LRRC4C: variants seen among roughly 807,000 people sequenced by gnomAD.
LRRC4C encodes leucine-rich repeat-containing protein 4C.
Under a neutral mutation model 33.6 loss-of-function variants are expected in LRRC4C, and 5 were observed. That is an observed-to-expected ratio of 0.15 (90% CI 0.08 to 0.31). The LOEUF is 0.31. Among genes scored for constraint, LRRC4C ranks in the 10% least tolerant of loss-of-function variants. LRRC4C has a pLI of 1.00. For missense variants in LRRC4C, 560 were observed against 796.7 expected (o/e 0.70, Z 3.58); for synonymous variants, 329 against 302.0 (o/e 1.09, Z -0.93).
At chr11:41,433,975 C>G (rs994090618) in intron 1 of LRRC4C, among the ~76,000 whole-genome samples, 1 of 151,948 alleles carries the variant, frequency 6.6e-6, no homozygotes, top group Non-Finnish European at 1.5e-5. Context: ...AAGGCAAACC[C>G]GATTCAAGCA....
chr11:40,485,488 A>G (rs1392220781), intron 3 of LRRC4C, among the ~76,000 whole-genome samples: 2 of 151,964 alleles, frequency 1.3e-5, no homozygotes, highest in Non-Finnish European at 2.9e-5. Flanking sequence ...TAGTAGAGAA[A>G]TGCCATTTCA....
intron 4 of LRRC4C, among the ~76,000 whole-genome samples, chr11:40,308,493 A>T (rs1945147674): frequency 1.3e-5 from 2 of 152,198 alleles, no homozygotes; most frequent in Admixed American, 1.3e-4. Flanking sequence ...GGTATGATTA[A>T]GTCACAAATT....
chr11:40,230,187 T>C (rs750820464), intron 5 of LRRC4C, among the ~76,000 whole-genome samples: 6 of 152,214 alleles, frequency 3.9e-5, no homozygotes, highest in Non-Finnish European at 8.8e-5. Context: ...AGGTTGTTTT[T>C]GAAGTTCACA....
chr11:40,815,980 G>A (rs963017298), intron 2 of LRRC4C, among the ~76,000 whole-genome samples: 4 of 152,074 alleles, frequency 2.6e-5, no homozygotes, highest in Non-Finnish European at 4.4e-5. Context: ...GCGATTTCAC[G>A]AAGTGAGTAA....
chr11:41,185,017 T>C (rs1945628186), intron 1 of LRRC4C, among the ~76,000 whole-genome samples: 1 of 152,012 alleles, frequency 6.6e-6, no homozygotes. Flanking sequence ...TTCACTATCA[T>C]GCGAACAGCA....
chr11:40,584,016 CAA>C (rs1308398745), intron 3 of LRRC4C, among the ~76,000 whole-genome samples: 2 of 151,186 alleles, frequency 1.3e-5, no homozygotes, highest in African/African-American at 4.9e-5. Context: ...CCTAAGGTTG[CAA>C]AGAGATCAGG....
At chr11:40,614,242 T>G (rs1051763496) in intron 3 of LRRC4C, among the ~76,000 whole-genome samples, 5 of 151,884 alleles carry the variant, frequency 3.3e-5, no homozygotes, top group Non-Finnish European at 5.9e-5. Context: ...TGTAGCCACT[T>G]TCATCAGTTG....
At chr11:40,178,255 C>G (rs1440288414) in intron 5 of LRRC4C, among the ~76,000 whole-genome samples, 1 of 152,230 alleles carries the variant, frequency 6.6e-6, no homozygotes, top group Middle Eastern at 3.4e-3. Context: ...CATATTTGAG[C>G]AAATAGATAG....
rs957589946 is a variant in LRRC4C, at chr11:40,634,184, A to C, written c.-270+13958T>G. ...CTAATAAAGGATGGAAAACTGTTGG[A>C]AAACAGTATAAACTAAGTGGTTCTT... On this transcript the variant is annotated intron_variant, in intron 3 of 6. Transcript: ENST00000528697. 3.3e-5 allele frequency among the ~76,000 whole-genome samples: 5 copies of C among 152,244 alleles called. No homozygotes were observed. In the South Asian group the frequency reaches 8.3e-4, roughly 25 times the overall value.
intron 2 of LRRC4C, among the ~76,000 whole-genome samples, chr11:40,713,105 A>G (rs1946547274): frequency 6.7e-6 from 1 of 148,392 alleles, no homozygotes; most frequent in Non-Finnish European, 1.5e-5. Context: ...TGTTGGCTTG[A>G]CTGCTCTTGA....
At chr11:40,936,423 C>G (rs557378641) in intron 1 of LRRC4C, among the ~76,000 whole-genome samples, 2 of 149,654 alleles carry the variant, frequency 1.3e-5, no homozygotes, top group East Asian at 4.0e-4. Flanking sequence ...CTGCAAGCTC[C>G]GCCTCCCAGG....
chr11:40,499,302 GTAAACAAAAATA>G (rs1405376633), intron 3 of LRRC4C, among the ~76,000 whole-genome samples: 2 of 152,206 alleles, frequency 1.3e-5, no homozygotes, highest in East Asian at 3.9e-4. Flanking sequence ...TGGCCACCAG[GTAAACAAAAATA>G]TCACCATACT....
At chr11:41,039,468 T>C (rs916418488) in intron 1 of LRRC4C, among the ~76,000 whole-genome samples, 1 of 152,178 alleles carries the variant, frequency 6.6e-6, no homozygotes, top group East Asian at 1.9e-4. Context: ...ATATTTGTTA[T>C]GTGAATGACA....
chr11:40,999,604 G>C (rs1417401968), intron 1 of LRRC4C, among the ~76,000 whole-genome samples: 1 of 152,056 alleles, frequency 6.6e-6, no homozygotes, highest in Non-Finnish European at 1.5e-5. Context: ...TAATAATTTA[G>C]TTAAGAATAA....
intron 2 of LRRC4C, among the ~76,000 whole-genome samples, chr11:40,819,213 A>C (rs188848777): frequency 2.2e-4 from 34 of 152,288 alleles, no homozygotes; most frequent in African/African-American, 8.2e-4. Flanking sequence ...TGGGCAATTA[A>C]GAAGATAGGC....
At chr11:41,031,403 AT>A (rs1856720807) in intron 1 of LRRC4C, among the ~76,000 whole-genome samples, 1 of 151,932 alleles carries the variant, frequency 6.6e-6, no homozygotes, top group Non-Finnish European at 1.5e-5. Flanking sequence ...AAAATATCTA[AT>A]GATTATACAG....
chr11:40,304,836 A>C lies in LRRC4C; in HGVS notation c.-176+14792T>G, dbSNP rs1944950908. Reference sequence around the variant, plus strand: ...AACCTCTGCCTCTTGGGTTCAAGCAATTCTCCTGCTTTCACTCCAGTTCAG... The same window carrying C: ...AACCTCTGCCTCTTGGGTTCAAGCACTTCTCCTGCTTTCACTCCAGTTCAG... On this transcript the variant is annotated intron_variant, in intron 4 of 6. Coordinates refer to ENST00000528697, the MANE Select transcript of LRRC4C (RefSeq NM_001258419.2). Among the ~76,000 whole-genome samples, 6 of 151,938 alleles carry C rather than the reference A, an allele frequency of 3.9e-5. 1 individual carries two copies. In the South Asian group the frequency reaches 1.3e-3, roughly 32 times the overall value.
At chr11:41,274,431 G>A (rs1379058310) in intron 1 of LRRC4C, among the ~76,000 whole-genome samples, 4 of 152,116 alleles carry the variant, frequency 2.6e-5, no homozygotes, top group East Asian at 1.9e-4. Flanking sequence ...TGATGGTGGC[G>A]AGAAGCAGTC....
chr11:41,220,529 G>GACAT (rs1228953863), intron 1 of LRRC4C, among the ~76,000 whole-genome samples: 3 of 88,478 alleles, frequency 3.4e-5, no homozygotes, highest in Non-Finnish European at 6.6e-5. Flanking sequence ...TAAACACACA[G>GACAT]ACATACACAC....
Sources: allele counts gnomAD v4.1 joint callset (sites outside exome capture counted in the v4.1 genomes callset), GRCh38; gene constraint gnomAD v4.1.1; transcripts MANE v1.5; gene names NCBI Gene and HGNC (gene_info 2026-07-23, HGNC 2026-07-21).